The following VAV1 variants were observed in gnomAD, a reference collection of about 807,000 sequenced individuals.
VAV1 encodes proto-oncogene vav.
In VAV1, 33 loss-of-function variants were observed where a neutral mutation model predicts 128.1. The ratio of observed to expected loss-of-function variants is 0.26; its 90% CI spans 0.20 to 0.34. The LOEUF is 0.34. VAV1 is among the 10% of genes least tolerant of loss of function. VAV1 has a pLI of 1.00. For synonymous variants in VAV1, 394 were observed against 409.8 expected (o/e 0.96, Z 0.47); for missense variants, 715 against 1,093.7 (o/e 0.65, Z 4.88).
chr19:6,814,677 T>C (rs28510391), intron 1 of VAV1, among the ~76,000 whole-genome samples: 29 of 103,030 alleles, frequency 2.8e-4, no homozygotes, highest in African/African-American at 1.1e-3. Context: ...CCTTCCTTTC[T>C]TTCTTTCTTT....
At chr19:6,839,925 C>T (rs1972328433) in intron 21 of VAV1, among the ~76,000 whole-genome samples, 1 of 152,122 alleles carries the variant, frequency 6.6e-6, no homozygotes, top group African/African-American at 2.4e-5. Flanking sequence ...CTTCTGGGCC[C>T]AAGTGATTCC....
At chr19:6,836,236 C>T (rs1972218919) in intron 19 of VAV1, 196 bp from the exon 20 acceptor site, 2 of 639,394 alleles carry the variant, frequency 3.1e-6, no homozygotes, top group Non-Finnish European at 5.2e-6. Flanking sequence ...TGTTTAGCTT[C>T]AGTAGATATT....
At chr19:6,780,156 A>G in intron 1 of VAV1, among the ~76,000 whole-genome samples, 1 of 133,196 alleles carries the variant, frequency 7.5e-6, no homozygotes, top group South Asian at 2.4e-4. Flanking sequence ...AATAATAATA[A>G]TAACCTCATC....
chr19:6,849,136 G>T (rs1184766726), intron 23 of VAV1, among the ~76,000 whole-genome samples: 1 of 151,576 alleles, frequency 6.6e-6, no homozygotes, highest in East Asian at 1.9e-4. Flanking sequence ...ACATGTGCAG[G>T]TTTGTTACAA....
At chr19:6,834,527 G>A (rs1374184087) in intron 19 of VAV1, among the ~76,000 whole-genome samples, 2 of 150,412 alleles carry the variant, frequency 1.3e-5, no homozygotes, top group African/African-American at 4.9e-5. Flanking sequence ...ACAAGCGTGA[G>A]CCACTGTGCC....
rs750851881 is a variant in VAV1, at chr19:6,857,196, G to A, written c.*89G>A. ...GGAGCCAGGGGCTGTGACAGCTCCC[G>A]GCGGGTGGAGACTTTGGGATGGACT... is the stretch of plus-strand genomic sequence containing the variant. On this transcript the variant is annotated 3_prime_UTR_variant, in exon 27 of 27. Transcript: ENST00000602142. 2.4e-5 allele frequency: 38 copies of A among 1,573,244 alleles called. No individual in the cohort carries two copies. Among genetic ancestry groups the A allele is most frequent in the Middle Eastern group, 2.1e-4 (1 of 4,798 alleles).
Position 6,772,780 on chromosome 19 carries a change from C to T in VAV1, c.-28C>T, listed in dbSNP as rs766552243. The T allele has an allele frequency of 1.2e-6, 2 of 1,604,378 alleles. No homozygotes were observed. Among genetic ancestry groups the T allele is most frequent in the African/African-American group, 1.3e-5 (1 of 74,756 alleles). On this transcript the variant is annotated 5_prime_UTR_variant, in exon 1 of 27. Transcript: ENST00000602142. This position sits in a 1 kb window ranked among gnomAD's most constrained non-coding sequence, Gnocchi z 4.8. Reference sequence around the variant, plus strand: ...GTGGGTGGTGGAGGCTGCGAGGGTGCACGGCCGGCCCTGGGCAGGCGGTAG... The same window carrying T: ...GTGGGTGGTGGAGGCTGCGAGGGTGTACGGCCGGCCCTGGGCAGGCGGTAG...
chr19:6,798,348 C>T (rs539002682), intron 1 of VAV1, among the ~76,000 whole-genome samples: 10 of 151,874 alleles, frequency 6.6e-5, no homozygotes, highest in Non-Finnish European at 1.5e-4. Flanking sequence ...ACGGTCTTGG[C>T]AGGGCATGGT....
intron 1 of VAV1, among the ~76,000 whole-genome samples, chr19:6,812,503 T>C (rs753846566): frequency 6.6e-6 from 1 of 151,610 alleles, no homozygotes; most frequent in Non-Finnish European, 1.5e-5. Context: ...AAAAAGAAAA[T>C]ACAAAAATTA....
chr19:6,837,389 CCT>C (rs1972248515), intron 21 of VAV1, among the ~76,000 whole-genome samples: 1 of 152,170 alleles, frequency 6.6e-6, no homozygotes, highest in African/African-American at 2.4e-5. Flanking sequence ...AGCACTGTGG[CCT>C]CCATTGCCTG....
chr19:6,794,701 C>G (rs1971092561), intron 1 of VAV1, among the ~76,000 whole-genome samples: 1 of 152,148 alleles, frequency 6.6e-6, no homozygotes, highest in African/African-American at 2.4e-5. Context: ...CACAACAAAT[C>G]CATGGTGTTG....
In VAV1 at chr19:6,820,921, G is replaced by T. The variant is rs1971766960; in HGVS notation, c.321+103G>T. ...TGTCAGGGGACAGGCAGACAAGCCA[G>T]ACCAGGCCATATACAAGACGCAAAT... On this transcript the variant is annotated intron_variant, in intron 2 of 26. Transcript: ENST00000602142. This position sits in a 1 kb window ranked among gnomAD's most constrained non-coding sequence, Gnocchi z 4.4. 4.5e-6 allele frequency: 5 copies of T among 1,116,930 alleles called. No individual in the cohort carries two copies. In the Admixed American group the frequency reaches 8.9e-5, roughly 20 times the overall value. 69.2% of individuals were successfully genotyped at this position (1,116,930 alleles called of 1,614,324 possible). A position where few individuals can be genotyped will look rare whatever the true frequency, so the allele number is the denominator to read the frequency against.
chr19:6,795,766 C>A (rs1473354658), intron 1 of VAV1, among the ~76,000 whole-genome samples: 1 of 152,186 alleles, frequency 6.6e-6, no homozygotes, highest in African/African-American at 2.4e-5. Flanking sequence ...TCACTGCAAC[C>A]TCCGCCTCCT....
In VAV1 at chr19:6,826,810, G is replaced by A. The variant is rs183086833; in HGVS notation, c.927+99G>A. The A allele has an allele frequency of 9.4e-6, 9 of 953,908 alleles. No individual in the cohort carries two copies. Among genetic ancestry groups the A allele is most frequent in the Non-Finnish European group, 1.4e-5 (9 of 621,470 alleles). The allele number at this position is 953,908 out of a possible 1,614,324, so 59.1% of individuals were successfully genotyped here. ...AGTTGCAGATGGTCCACTTTCTGCTGCAGCCCAGCCAGAGATCCACCAAAG... is the reference window on the plus strand; with the variant it reads ...AGTTGCAGATGGTCCACTTTCTGCTACAGCCCAGCCAGAGATCCACCAAAG... On this transcript the variant is annotated intron_variant, in intron 9 of 26. Coordinates refer to ENST00000602142, the MANE Select transcript of VAV1 (RefSeq NM_005428.4). The surrounding 1 kb of genome is among the most constrained non-coding windows in gnomAD (Gnocchi z 4.1).
intron 1 of VAV1, among the ~76,000 whole-genome samples, chr19:6,807,196 T>G (rs1423549706): frequency 6.6e-6 from 1 of 152,146 alleles, no homozygotes; most frequent in Non-Finnish European, 1.5e-5. Context: ...ATTGTTCCCT[T>G]TATTTCTATT....
chr19:6,849,568 C>T (rs896038193), intron 23 of VAV1, among the ~76,000 whole-genome samples: 1 of 151,898 alleles, frequency 6.6e-6, no homozygotes, highest in African/African-American at 2.4e-5. Flanking sequence ...CTGCCTCGGC[C>T]TCTCAAAGTG....
intron 14 of VAV1, among the ~76,000 whole-genome samples, chr19:6,831,270 T>C (rs1177619979): frequency 6.6e-6 from 1 of 152,132 alleles, no homozygotes; most frequent in Admixed American, 6.6e-5. Flanking sequence ...TCCGTTCGCT[T>C]CAGTTTTTGC....
chr19:6,778,780 T>C (rs1303496075), intron 1 of VAV1, among the ~76,000 whole-genome samples: 4 of 152,040 alleles, frequency 2.6e-5, no homozygotes, highest in African/African-American at 9.6e-5. Flanking sequence ...TGGTGGCTCG[T>C]GCCTGTAATC....
chr19:6,826,782 C>G lies in VAV1; in HGVS notation c.927+71C>G. 8.0e-7 allele frequency: 1 copy of G among 1,250,846 alleles called. No individual in the cohort carries two copies. The highest frequency in any genetic ancestry group is 1.1e-6 in the Non-Finnish European group (1 of 888,196). 77.5% of individuals were successfully genotyped at this position (1,250,846 alleles called of 1,614,324 possible). ...GGCCCTGGGGGCAGCAGGGAGGACA[C>G]TGAGTTGCAGATGGTCCACTTTCTG... On this transcript the variant is annotated intron_variant, in intron 9 of 26. Coordinates refer to ENST00000602142, the MANE Select transcript of VAV1 (RefSeq NM_005428.4). This position sits in a 1 kb window ranked among gnomAD's most constrained non-coding sequence, Gnocchi z 4.1.
Sources: gnomAD v4.1 joint callset for allele counts (sites outside exome capture counted in the v4.1 genomes callset) on GRCh38, gnomAD v4.1.1 for gene constraint, Gnocchi (gnomAD v3.1) non-coding constraint, MANE v1.5 for transcripts, NCBI Gene and HGNC (gene_info 2026-07-23, HGNC 2026-07-21) for gene names.